PIEZO2: variants seen among roughly 807,000 people sequenced by gnomAD.
PIEZO2 encodes the protein piezo-type mechanosensitive ion channel component 2.
Under a neutral mutation model 337.3 loss-of-function variants are expected in PIEZO2, and 172 were observed. The observed-to-expected ratio is 0.51, with a 90% CI of 0.45 to 0.58. PIEZO2 has a LOEUF of 0.58. PIEZO2 is among the 20% of genes least tolerant of loss of function. PIEZO2 has a pLI of 0.00. For missense variants in PIEZO2, 3,028 were observed against 3,391.3 expected (o/e 0.89, Z 2.66); for synonymous variants, 1,251 against 1,228.5 (o/e 1.02, Z -0.38).
At chr18:10,868,623 T>C (rs2042064732) in intron 5 of PIEZO2, among the ~76,000 whole-genome samples, 1 of 152,212 alleles carries the variant, frequency 6.6e-6, no homozygotes. Flanking sequence ...AGAGTATCTG[T>C]CCATCTTATT....
At chr18:11,086,756 G>T (rs890583125) in intron 1 of PIEZO2, among the ~76,000 whole-genome samples, 1 of 103,284 alleles carries the variant, frequency 9.7e-6, no homozygotes, top group African/African-American at 5.7e-5. Flanking sequence ...AAATAATTTC[G>T]GGTTTTTTTT....
In PIEZO2 at chr18:11,032,808, C is replaced by T. The variant is rs924211614; in HGVS notation, c.160+33319G>A. Among the ~76,000 whole-genome samples, 1 of 152,122 alleles carries T rather than the reference C, an allele frequency of 6.6e-6. No individual in the cohort carries two copies. Among genetic ancestry groups the T allele is most frequent in the African/African-American group, 2.4e-5 (1 of 41,414 alleles). ...CCCTTAAAAGCTTTTGAAGTCAGATCGATAAGAACTCTTTTGGACCTCGCC... is the reference window on the plus strand; with the variant it reads ...CCCTTAAAAGCTTTTGAAGTCAGATTGATAAGAACTCTTTTGGACCTCGCC... On this transcript the variant is annotated intron_variant, in intron 2 of 55. Transcript: ENST00000674853. This position sits in a 1 kb window ranked among gnomAD's most constrained non-coding sequence, Gnocchi z 4.9.
chr18:10,846,260 A>G lies in PIEZO2; in HGVS notation c.917+9093T>C, dbSNP rs775807772. Among the ~76,000 whole-genome samples, 6 of 152,198 alleles carry G rather than the reference A, an allele frequency of 3.9e-5. No homozygotes were observed. Among genetic ancestry groups the G allele is most frequent in the Non-Finnish European group, 5.9e-5 (4 of 68,030 alleles). On this transcript the variant is annotated intron_variant, in intron 7 of 55. Transcript: ENST00000674853. This position sits in a 1 kb window ranked among gnomAD's most constrained non-coding sequence, Gnocchi z 4.1. ...CATCTTACACAGATGGCAGCAGGCA[A>G]AGAGAGAGCTCATGCAGGCAAACTC...
intron 1 of PIEZO2, among the ~76,000 whole-genome samples, chr18:11,075,046 G>GT (rs200504779): frequency 2.1e-4 from 30 of 144,452 alleles, no homozygotes; most frequent in Non-Finnish European, 1.5e-4. Flanking sequence ...TACTAAGTGT[G>GT]TTTTAATGCT....
chr18:10,857,697 T>C (rs2041746408), intron 5 of PIEZO2, among the ~76,000 whole-genome samples: 1 of 152,216 alleles, frequency 6.6e-6, no homozygotes, highest in South Asian at 2.1e-4. Flanking sequence ...TTCCTGACTG[T>C]GGAAGGATGA....
At chr18:10,681,986 G>C (rs1474785269) in intron 50 of PIEZO2, 118 bp downstream of exon 50, 4 of 1,016,240 alleles carry the variant, frequency 3.9e-6, no homozygotes, top group Non-Finnish European at 5.6e-6. Flanking sequence ...TATTTGCTGA[G>C]CAGTCAAATG....
intron 2 of PIEZO2, among the ~76,000 whole-genome samples, chr18:11,026,227 A>G (rs932549364): frequency 6.6e-6 from 1 of 152,214 alleles, no homozygotes; most frequent in Admixed American, 6.5e-5. Context: ...GCTTGTCTTC[A>G]CATGTTTCAC....
Position 10,834,209 on chromosome 18 carries a change from G to A in PIEZO2, c.917+21144C>T, listed in dbSNP as rs1208492926. Among the ~76,000 whole-genome samples, 1 of 152,162 alleles carries A rather than the reference G, an allele frequency of 6.6e-6. No individual in the cohort carries two copies. Among genetic ancestry groups the A allele is most frequent in the African/African-American group, 2.4e-5 (1 of 41,428 alleles). On this transcript the variant is annotated intron_variant, in intron 7 of 55. Coordinates refer to ENST00000674853, the MANE Select transcript of PIEZO2 (RefSeq NM_001378183.1). This position sits in a 1 kb window ranked among gnomAD's most constrained non-coding sequence, Gnocchi z 4.5. ...AATATGCAGTACATTATCGTTGACTGTAGTCATTCTGTTGTGCTGTCAAAT... is the reference window on the plus strand; with the variant it reads ...AATATGCAGTACATTATCGTTGACTATAGTCATTCTGTTGTGCTGTCAAAT...
At chr18:10,873,706 TAA>T (rs2042195538) in intron 4 of PIEZO2, among the ~76,000 whole-genome samples, 1 of 152,128 alleles carries the variant, frequency 6.6e-6, no homozygotes, top group South Asian at 2.1e-4. Context: ...AAAACTTAAT[TAA>T]AGAGTCTTCT....
chr18:10,936,719 AGC>A, intron 3 of PIEZO2, among the ~76,000 whole-genome samples: 1 of 152,252 alleles, frequency 6.6e-6, no homozygotes, highest in African/African-American at 2.4e-5. Context: ...TCAAAAACAT[AGC>A]CCAGTGGAAT....
chr18:11,013,654 C>T (rs2035982627), intron 2 of PIEZO2, among the ~76,000 whole-genome samples: 1 of 152,168 alleles, frequency 6.6e-6, no homozygotes, highest in African/African-American at 2.4e-5. Context: ...TACCAGCATT[C>T]CTGTGCTCAC....
intron 27 of PIEZO2, among the ~76,000 whole-genome samples, chr18:10,755,964 TA>T (rs2037823680): frequency 7.5e-6 from 1 of 132,518 alleles, no homozygotes. Context: ...AGAGGAGAGC[TA>T]GGGGATGAGG....
At chr18:10,789,512 G>T in intron 14 of PIEZO2, 147 bp from the exon 15 acceptor site, 1 of 932,634 alleles carries the variant, frequency 1.1e-6, no homozygotes, top group Non-Finnish European at 1.5e-6. Context: ...CATAAACTCA[G>T]CAACATTTAT....
chr18:10,989,745 C>T (rs983142499), intron 2 of PIEZO2, among the ~76,000 whole-genome samples: 5 of 152,002 alleles, frequency 3.3e-5, no homozygotes, highest in African/African-American at 1.2e-4. Context: ...TACAGGGAAG[C>T]TAAAGCTATT....
At chr18:11,087,808 A>G (rs1291219445) in intron 1 of PIEZO2, among the ~76,000 whole-genome samples, 3 of 152,232 alleles carry the variant, frequency 2.0e-5, no homozygotes, top group Admixed American at 6.5e-5. Flanking sequence ...CACGCCAATC[A>G]AGTGGGCTTG....
intron 16 of PIEZO2, among the ~76,000 whole-genome samples, chr18:10,786,294 G>A (rs2039222040): frequency 6.6e-6 from 1 of 152,184 alleles, no homozygotes; most frequent in Non-Finnish European, 1.5e-5. Context: ...GATCTACAGG[G>A]CTTAGATTTT....
At chr18:10,721,403 G>A (rs2143960288) in intron 36 of PIEZO2, among the ~76,000 whole-genome samples, 1 of 152,290 alleles carries the variant, frequency 6.6e-6, no homozygotes, top group Non-Finnish European at 1.5e-5. Context: ...CATTAAAAGA[G>A]TATCTTTAAG....
At chr18:10,753,931 G>C (rs2037742771) in intron 27 of PIEZO2, among the ~76,000 whole-genome samples, 1 of 152,124 alleles carries the variant, frequency 6.6e-6, no homozygotes. Flanking sequence ...GTATCTCCCT[G>C]TAACCCTAGA....
At position 10,757,978 on chromosome 18, in the gene PIEZO2, A is replaced by G; in HGVS notation, c.3914T>C (p.Ile1305Thr). 6.5e-7 allele frequency: 1 copy of G among 1,535,402 alleles called. No individual in the cohort carries two copies. The highest frequency in any genetic ancestry group is 8.7e-7 in the Non-Finnish European group (1 of 1,146,118). The stretch of plus-strand genomic sequence containing the variant: ...GTGAAGCTCTTGTTACCTGCAGTGA[A>G]TAAAATCTGGCACAGGGTTATGTTG... Reference protein sequence around the residue: ...FSQHNPVPDFIHCRSYLDMSK... With the variant: ...FSQHNPVPDFTHCRSYLDMSK... The change falls in exon 27 of 56, where the codon ATT (isoleucine) becomes ACT (threonine). Residue 1305 changes from isoleucine to threonine, a missense_variant. By Grantham distance (89) the Ile-to-Thr change is moderately conservative (BLOSUM62 -1). This residue lies in a region of PIEZO2 where 1,925 missense variants were observed against 2,051.9 expected (regional missense o/e 0.94). Coordinates refer to ENST00000674853, the MANE Select transcript of PIEZO2 (RefSeq NM_001378183.1).
Sources: gnomAD v4.1 joint callset for allele counts (sites outside exome capture counted in the v4.1 genomes callset) on GRCh38, gnomAD v4.1.1 for gene constraint, gnomAD v4.1.1 regional missense constraint, Gnocchi (gnomAD v3.1) non-coding constraint, MANE v1.5 for transcripts, NCBI Gene and HGNC (gene_info 2026-07-23, HGNC 2026-07-21) for gene names.